The following CGB7 variants were observed in gnomAD, a reference collection of about 807,000 sequenced individuals.
CGB7 encodes chorionic gonadotropin subunit beta 7, also known as choriogonadotropin subunit beta 7.
A neutral mutation model predicts 7.3 loss-of-function variants in CGB7; 6 were observed. The ratio of observed to expected loss-of-function variants is 0.82; its 90% CI spans 0.45 to 1.62. CGB7 has a LOEUF of 1.62. CGB7 is among the 40% of genes most tolerant of loss of function. The probability of loss-of-function intolerance (pLI) is 0.01; values close to 1 mark genes in which losing one functional copy is unlikely to be tolerated. For missense variants in CGB7, 114 were observed against 236.2 expected, an observed-to-expected ratio of 0.48 and a Z score of 3.39; for synonymous variants, 47 against 100.8, an observed-to-expected ratio of 0.47 and a Z score of 3.20.
Position 49,055,661 on chromosome 19 carries a change from A to T in CGB7, c.-286T>A, listed in dbSNP as rs1600241077. The T allele has an allele frequency of 7.3e-7, 1 of 1,378,810 alleles. No homozygotes were observed. The highest frequency in any genetic ancestry group is 1.5e-5 in the African/African-American group (1 of 68,600). The allele number at this position is 1,378,810 out of a possible 1,614,324, so 85.4% of individuals were successfully genotyped here. On this transcript the variant is annotated 5_prime_UTR_variant, in exon 3 of 5. Coordinates refer to ENST00000684222, the MANE Select transcript of CGB7 (RefSeq NM_001385261.1). ...AGTCGAGGCTGGAGGCACAGAGAGT[A>T]GGGTGTAGGAAGGCCTGCCTCTGCC...
chr19:49,056,810 CG>C (rs1039514845), intron 2 of CGB7, among the ~76,000 whole-genome samples: 40 of 152,162 alleles, frequency 2.6e-4, no homozygotes, highest in Non-Finnish European at 1.3e-4. Flanking sequence ...GGGAAGGAAA[CG>C]GGGGCTTTCG....
Position 49,057,113 on chromosome 19 carries a change from C to A in CGB7, c.-1221+8G>T, listed in dbSNP as rs922539853. On this transcript the variant is annotated splice_region_variant and intron_variant, in intron 2 of 4. Transcript: ENST00000684222. Reference sequence around the variant, plus strand: ...CAGGAGGCGGTGCCGAGCGAGAGCCCGGCTTACTTGGGATAGAACCGAAAG... The same window carrying A: ...CAGGAGGCGGTGCCGAGCGAGAGCCAGGCTTACTTGGGATAGAACCGAAAG... 44 of 1,533,328 alleles carry A rather than the reference C, an allele frequency of 2.9e-5. No homozygotes were observed. The African/African-American group carries it at 4.5e-4, about 16-fold the overall frequency. The allele number at this position is 1,533,328 out of a possible 1,614,324, so 95.0% of individuals were successfully genotyped here. A position where few individuals can be genotyped will look rare whatever the true frequency, so the allele number is the denominator to read the frequency against.
At position 49,054,375 on chromosome 19, in the gene CGB7, G is replaced by A. The variant is rs1399739856; in HGVS notation, c.414C>T (p.Ser138=). The A allele has an allele frequency of 3.7e-6, 6 of 1,609,938 alleles. No homozygotes were observed. Among genetic ancestry groups the A allele is most frequent in the South Asian group, 1.1e-5 (1 of 90,784 alleles). The change falls in exon 5 of 5, where the codon TCC becomes TCT. Residue 138 remains serine (S), a synonymous_variant. Transcript: ENST00000684222. ...LTCDDPRFQA[S]SSSKAPPPSL... Reference sequence around the variant, plus strand: ...TGGGGGGAGGGGCCTTTGAGGAAGAGGAGGCCTGGAAGCGGGGGTCATCAC... The same window carrying A: ...TGGGGGGAGGGGCCTTTGAGGAAGAAGAGGCCTGGAAGCGGGGGTCATCAC...
chr19:49,057,473 C>G lies in CGB7; in HGVS notation c.-1360G>C. 7.7e-7 allele frequency: 1 copy of G among 1,291,348 alleles called. No individual in the cohort carries two copies. Among genetic ancestry groups the G allele is most frequent in the Non-Finnish European group, 9.9e-7 (1 of 1,013,026 alleles). The allele number at this position is 1,291,348 out of a possible 1,614,324, so 80.0% of individuals were successfully genotyped here. A position where few individuals can be genotyped will look rare whatever the true frequency, so the allele number is the denominator to read the frequency against. ...CTTCCCAGCCTCACCTCCCTAAATC[C>G]AAGCCCTCCTGCTGGTCAAGGAACT... On this transcript the variant is annotated 5_prime_UTR_variant, in exon 1 of 5. Transcript: ENST00000684222.
In CGB7 at chr19:49,057,193, GA is replaced by G; in HGVS notation, c.-1294del. The G allele has an allele frequency of 6.5e-7, 1 of 1,534,604 alleles. No homozygotes were observed. Among genetic ancestry groups the G allele is most frequent in the Non-Finnish European group, 8.7e-7 (1 of 1,146,412 alleles). On this transcript the variant is annotated 5_prime_UTR_variant, in exon 2 of 5. Coordinates refer to ENST00000684222, the MANE Select transcript of CGB7 (RefSeq NM_001385261.1). ...GCGGCGGTTCAGGACGCCCCGGTCG[GA>G]TACTGTGAAGGGTGGGCCAGACAGC...
chr19:49,054,326 G>T lies in CGB7; in HGVS notation c.463C>A (p.Pro155Thr), dbSNP rs142903731. The T allele has an allele frequency of 6.2e-7, 1 of 1,610,194 alleles. No homozygotes were observed. The highest frequency in any genetic ancestry group is 1.7e-5 in the Admixed American group (1 of 59,836). Residue 155 changes from proline (P) to threonine (T), a missense_variant, in exon 5 of 5, where the codon CCG becomes ACG. By Grantham distance (38) the Pro-to-Thr change is conservative (BLOSUM62 -1). This residue lies in a region of CGB7 where 20 missense variants were observed against 18.4 expected (regional missense o/e 1.08). Coordinates refer to ENST00000684222, the MANE Select transcript of CGB7 (RefSeq NM_001385261.1). ...AGGATCGGGGTGTCTGAGGGCCCCG[G>T]GAGTCGGGATGGACTTGGAAGGCTG... ...PPSLPSPSRL[P>T]GPSDTPILPQ
intron 3 of CGB7, 46 bp downstream of exon 3, chr19:49,055,315 T>G: frequency 6.2e-7 from 1 of 1,609,414 alleles, no homozygotes. Context: ...ATGCCAGTGA[T>G]GGCCTGGAAG....
Position 49,055,713 on chromosome 19 carries a change from G to A in CGB7, c.-338C>T, listed in dbSNP as rs995709541. ...ATGGTGGGGTCTTGGGAACCAGGAGGAGGCCGTGACCCGAGAAAGGTGCTG... is the reference window on the plus strand; with the variant it reads ...ATGGTGGGGTCTTGGGAACCAGGAGAAGGCCGTGACCCGAGAAAGGTGCTG... On this transcript the variant is annotated 5_prime_UTR_variant, in exon 3 of 5. Transcript: ENST00000684222. The A allele has an allele frequency of 1.6e-5, 20 of 1,281,956 alleles. No homozygotes were observed. The highest frequency in any genetic ancestry group is 1.9e-5 in the Non-Finnish European group (19 of 1,005,094). 79.4% of individuals were successfully genotyped at this position (1,281,956 alleles called of 1,614,324 possible).
In CGB7 at chr19:49,056,188, C is replaced by A; in HGVS notation, c.-813G>T. ...AGTGCGAGCCCACCTAGGTCCGACA[C>A]CGCGTAGTGAGCGGCTGCCCAGAGC... On this transcript the variant is annotated 5_prime_UTR_variant, in exon 3 of 5. Transcript: ENST00000684222. 7.9e-7 allele frequency: 1 copy of A among 1,270,108 alleles called. No homozygotes were observed. Among genetic ancestry groups the A allele is most frequent in the African/African-American group, 1.5e-5 (1 of 65,140 alleles). 78.7% of individuals were successfully genotyped at this position (1,270,108 alleles called of 1,614,324 possible). A position where few individuals can be genotyped will look rare whatever the true frequency, so the allele number is the denominator to read the frequency against.
At chr19:49,057,095 C>A in intron 2 of CGB7, 26 bp downstream of exon 2, 1 of 1,529,816 alleles carries the variant, frequency 6.5e-7, no homozygotes, top group Non-Finnish European at 8.7e-7. Flanking sequence ...GTGCAGGAGG[C>A]GGTGCCGAGC....
rs111632238 is a variant in CGB7 at position 49,056,192 on chromosome 19, G to A, written c.-817C>T. On this transcript the variant is annotated 5_prime_UTR_variant, in exon 3 of 5. The change creates a new upstream start codon in the 5' untranslated region. Transcript: ENST00000684222. Reference sequence around the variant, plus strand: ...CGAGCCCACCTAGGTCCGACACCGCGTAGTGAGCGGCTGCCCAGAGCTCTG... The same window carrying A: ...CGAGCCCACCTAGGTCCGACACCGCATAGTGAGCGGCTGCCCAGAGCTCTG... The A allele has an allele frequency of 3.3e-4, 416 of 1,270,862 alleles. 5 individuals carry two copies. The African/African-American group carries it at 5.5e-3, about 17-fold the overall frequency. The allele number at this position is 1,270,862 out of a possible 1,614,324, so 78.7% of individuals were successfully genotyped here. A position where few individuals can be genotyped will look rare whatever the true frequency, so the allele number is the denominator to read the frequency against.
In CGB7 at chr19:49,057,702, C is replaced by A; in HGVS notation, c.-1589G>T. The A allele has an allele frequency of 7.8e-7, 1 of 1,285,180 alleles. No homozygotes were observed. Among genetic ancestry groups the A allele is most frequent in the South Asian group, 1.9e-5 (1 of 52,348 alleles). The allele number at this position is 1,285,180 out of a possible 1,614,324, so 79.6% of individuals were successfully genotyped here. A position where few individuals can be genotyped will look rare whatever the true frequency, so the allele number is the denominator to read the frequency against. The stretch of plus-strand genomic sequence containing the variant: ...GTCTAGCTCCGCAGCAGCTTAGGAG[C>A]CCTGAAGGCGAGTTTCCAGCCCCTG... On this transcript the variant is annotated 5_prime_UTR_variant, in exon 1 of 5. Coordinates refer to ENST00000684222, the MANE Select transcript of CGB7 (RefSeq NM_001385261.1).
chr19:49,055,520 C>A lies in CGB7; in HGVS notation c.-145G>T. The A allele has an allele frequency of 6.3e-7, 1 of 1,589,318 alleles. No individual in the cohort carries two copies. The highest frequency in any genetic ancestry group is 8.6e-7 in the Non-Finnish European group (1 of 1,166,456). On this transcript the variant is annotated 5_prime_UTR_variant, in exon 3 of 5. Coordinates refer to ENST00000684222, the MANE Select transcript of CGB7 (RefSeq NM_001385261.1). ...AGAAGTAGACAAGGCCAGGGAGGCA[C>A]AGGAGTGGCTCAGCGGAGCACCCCA...
rs370813398 is a variant in CGB7, at chr19:49,055,422, T to C, written c.-47A>G. ...GTGTACCTGGCTTTATACCTCGGGT[T>C]TGTGGGGGCGTCAAGGCCACCAGGA... On this transcript the variant is annotated 5_prime_UTR_variant, in exon 3 of 5. Coordinates refer to ENST00000684222, the MANE Select transcript of CGB7 (RefSeq NM_001385261.1). The C allele has an allele frequency of 1.2e-6, 2 of 1,606,294 alleles. No individual in the cohort carries two copies.
In CGB7 at chr19:49,054,586, A is replaced by AC; in HGVS notation, c.202dup (p.Val68GlyfsTer52). On this transcript the variant is annotated frameshift_variant, in exon 5 of 5. Transcript: ENST00000684222. LOFTEE classifies it low-confidence loss of function (END_TRUNC). Reference sequence around the variant, plus strand: ...CACCACCTGAGGCAGGGCCGGCAGGACCCCCTGCAGCACGCGGGTCTGGAA... The same window carrying AC: ...CACCACCTGAGGCAGGGCCGGCAGGACCCCCCTGCAGCACGCGGGTCTGGAA... 2.5e-6 allele frequency: 3 copies of AC among 1,186,402 alleles called. No individual in the cohort carries two copies. The highest frequency in any genetic ancestry group is 3.5e-6 in the Non-Finnish European group (3 of 852,340). The allele number at this position is 1,186,402 out of a possible 1,614,324, so 73.5% of individuals were successfully genotyped here.
chr19:49,056,679 A>T (rs1193135098), intron 2 of CGB7, 84 bp from the exon 3 acceptor site: 1 of 1,126,400 alleles, frequency 8.9e-7, no homozygotes, highest in African/African-American at 1.6e-5. Context: ...GAGTCTGCAC[A>T]TTCAAACTCC....
chr19:49,057,558 T>C lies in CGB7; in HGVS notation c.-1445A>G. ...TGGTTCTGCCCCCGGTCTCAAGCCT[T>C]CTTGGTGTGGCCACTGGAGCTGAGC... On this transcript the variant is annotated 5_prime_UTR_variant, in exon 1 of 5. Transcript: ENST00000684222. 5 of 1,189,276 alleles carry C rather than the reference T, an allele frequency of 4.2e-6. No homozygotes were observed. Among genetic ancestry groups the C allele is most frequent in the Non-Finnish European group, 5.2e-6 (5 of 952,716 alleles). The allele number at this position is 1,189,276 out of a possible 1,614,324, so 73.7% of individuals were successfully genotyped here. A position where few individuals can be genotyped will look rare whatever the true frequency, so the allele number is the denominator to read the frequency against.
chr19:49,055,915 C>T lies in CGB7; in HGVS notation c.-540G>A. 1.8e-6 allele frequency: 2 copies of T among 1,088,618 alleles called. No homozygotes were observed. Among genetic ancestry groups the T allele is most frequent in the Non-Finnish European group, 2.3e-6 (2 of 888,478 alleles). The allele number at this position is 1,088,618 out of a possible 1,614,324, so 67.4% of individuals were successfully genotyped here. ...CCCAACGAGGGATTCAGCCCGAGCC[C>T]CACCTCTCCCTTAGGAACCTCCGCC... On this transcript the variant is annotated 5_prime_UTR_variant, in exon 3 of 5. Coordinates refer to ENST00000684222, the MANE Select transcript of CGB7 (RefSeq NM_001385261.1).
At chr19:49,056,811 G>T (rs1325204934) in intron 2 of CGB7, among the ~76,000 whole-genome samples, 1 of 152,104 alleles carries the variant, frequency 6.6e-6, no homozygotes, top group Non-Finnish European at 1.5e-5. Flanking sequence ...GGAAGGAAAC[G>T]GGGGCTTTCG....
Sources: gnomAD v4.1 joint callset for allele counts (sites outside exome capture counted in the v4.1 genomes callset) on GRCh38, gnomAD v4.1.1 for gene constraint, gnomAD v4.1.1 regional missense constraint, MANE v1.5 for transcripts, NCBI Gene and HGNC (gene_info 2026-07-23, HGNC 2026-07-21) for gene names.